Variants in SVIL observed in about 807,000 individuals in gnomAD.
SVIL encodes archvillin.
Under a neutral mutation model 240.4 loss-of-function variants are expected in SVIL, and 101 were observed. The observed-to-expected ratio is 0.42, with a 90% CI of 0.36 to 0.50. The LOEUF is 0.50. SVIL is among the 20% of genes least tolerant of loss of function. The pLI is 0.01. For missense variants in SVIL, 2,512 were observed against 2,818.7 expected (o/e 0.89, Z 2.46); for synonymous variants, 999 against 1,100.0 (o/e 0.91, Z 1.82).
rs768290693 is a variant in SVIL at position 29,473,912 on chromosome 10, G to C, written c.5455C>G (p.Arg1819Gly). ...CCCTTCTCACTCACGGTGGAGTGCC[G>C]GCCTTGCCAGAAGAAGTAGACGCAC... ...EKCVYFFWQG[R>G]HSTVSEKGTS... The change falls in exon 30 of 38, where the codon CGG (arginine) becomes GGG (glycine). Residue 1819 changes from arginine to glycine, a missense_variant. Physicochemically the swap from Arg to Gly is moderately radical, Grantham distance 125. Transcript: ENST00000355867. The C allele has an allele frequency of 6.2e-7, 1 of 1,613,972 alleles. No homozygotes were observed. The highest frequency in any genetic ancestry group is 1.1e-5 in the South Asian group (1 of 91,060).
rs1043064150 is a variant in SVIL, at chr10:29,735,521, G to T, written c.-400+230C>A. ...CGCCGCGCCTTTGTTACGGCTCGGG[G>T]ACCCCGCGGGCCGAGCGCAGCGCCC... On this transcript the variant is annotated intron_variant, in intron 1 of 35. Coordinates refer to the SVIL transcript ENST00000375400. This position sits in a 1 kb window ranked among gnomAD's most constrained non-coding sequence, Gnocchi z 4.1. Among the ~76,000 whole-genome samples the T allele has an allele frequency of 2.0e-5, 3 of 150,890 alleles. No homozygotes were observed. The highest frequency in any genetic ancestry group is 7.3e-5 in the African/African-American group (3 of 41,236).
chr10:29,667,573 C>G (rs2133051055), intron 2 of SVIL, among the ~76,000 whole-genome samples: 1 of 152,080 alleles, frequency 6.6e-6, no homozygotes, highest in East Asian at 1.9e-4. Context: ...ACACCTGGGC[C>G]AGGTGTAGTG....
rs762212555 is a variant in SVIL, at chr10:29,530,658, C to T, written c.2055G>A (p.Lys685=). Residue 685 remains lysine, a synonymous_variant, in exon 11 of 38, where the codon AAG becomes AAA. Transcript: ENST00000355867. ...SETPTVDDEE[K]VDERAKLSVA... is the part of the protein sequence containing the mutation. ...CGCTCAGCTTGGCTCGTTCATCCAC[C>T]TTTTCTTCATCTGCAAAAAGCCACA... The T allele has an allele frequency of 3.1e-6, 5 of 1,614,130 alleles. No homozygotes were observed. In the South Asian group the frequency reaches 5.5e-5, roughly 18 times the overall value.
intron 17 of SVIL, among the ~76,000 whole-genome samples, chr10:29,502,637 A>C (rs1010394589): frequency 2.6e-5 from 4 of 152,052 alleles, no homozygotes; most frequent in African/African-American, 7.2e-5. Flanking sequence ...AAGAGGGTGG[A>C]AGAGAAATTG....
At chr10:29,679,989 C>T (rs919044631) in intron 2 of SVIL, among the ~76,000 whole-genome samples, 6 of 151,868 alleles carry the variant, frequency 4.0e-5, no homozygotes, top group South Asian at 2.1e-4. Flanking sequence ...TCGAGACCCT[C>T]GGCAATATAG....
intron 1 of SVIL, chr10:29,575,183 C>A (rs545139095): frequency 6.5e-6 from 1 of 152,864 alleles, no homozygotes; most frequent in South Asian, 2.1e-4. Flanking sequence ...TATACTGATA[C>A]CACCCAATTG....
chr10:29,520,706 G>A (rs1456889099), intron 16 of SVIL, among the ~76,000 whole-genome samples: 2 of 152,026 alleles, frequency 1.3e-5, no homozygotes, highest in South Asian at 2.1e-4. Flanking sequence ...CCAGGAGTTC[G>A]AGACCAGCCT....
At chr10:29,707,124 C>G (rs1448530114) in intron 1 of SVIL, among the ~76,000 whole-genome samples, 3 of 152,054 alleles carry the variant, frequency 2.0e-5, no homozygotes, top group Non-Finnish European at 2.9e-5. Context: ...TATACGGGCT[C>G]TTTTTTGGTT....
chr10:29,723,825 T>C (rs1459301754), intron 1 of SVIL, among the ~76,000 whole-genome samples: 1 of 151,924 alleles, frequency 6.6e-6, no homozygotes, highest in Admixed American at 6.6e-5. Flanking sequence ...TATGAAAAAA[T>C]GAAACAAAAG....
At chr10:29,712,394 C>T (rs1039634052) in intron 1 of SVIL, among the ~76,000 whole-genome samples, 2 of 152,108 alleles carry the variant, frequency 1.3e-5, no homozygotes, top group Admixed American at 6.6e-5. Flanking sequence ...AAAGAGCCTG[C>T]GACCTTAGCT....
chr10:29,547,343 C>A (rs1394667675), intron 6 of SVIL, among the ~76,000 whole-genome samples: 1 of 152,090 alleles, frequency 6.6e-6, no homozygotes, highest in Non-Finnish European at 1.5e-5. Flanking sequence ...AATATATAAA[C>A]TACTTTGGGT....
At chr10:29,538,437 T>A (rs967019056) in intron 6 of SVIL, among the ~76,000 whole-genome samples, 1 of 152,238 alleles carries the variant, frequency 6.6e-6, no homozygotes, top group African/African-American at 2.4e-5. Flanking sequence ...AGTCTCCGAC[T>A]TAAAATGGTT....
Position 29,672,609 on chromosome 10 carries a change from T to G in SVIL, c.-301+13944A>C, listed in dbSNP as rs1178793235. On this transcript the variant is annotated intron_variant, in intron 2 of 35. Transcript: ENST00000375400. Reference sequence around the variant, plus strand: ...CATAAGTGCCCAGCATGGTGCCTGGTATTCAGTAGGCAATTAATAATGTTT... The same window carrying G: ...CATAAGTGCCCAGCATGGTGCCTGGGATTCAGTAGGCAATTAATAATGTTT... 2.0e-5 allele frequency among the ~76,000 whole-genome samples: 3 copies of G among 152,352 alleles called. No individual in the cohort carries two copies. In the East Asian group the frequency reaches 5.8e-4, roughly 29 times the overall value.
intron 27 of SVIL, chr10:29,483,444 C>G (rs1947097138): frequency 6.6e-6 from 1 of 152,208 alleles, no homozygotes; most frequent in African/African-American, 2.4e-5. Context: ...CACATAAGCT[C>G]TAACTCACAT....
At chr10:29,676,401 C>T (rs1053995206) in intron 2 of SVIL, among the ~76,000 whole-genome samples, 7 of 152,198 alleles carry the variant, frequency 4.6e-5, no homozygotes, top group African/African-American at 9.6e-5. Flanking sequence ...TGTGCGCACA[C>T]GCACAATATA....
intron 2 of SVIL, among the ~76,000 whole-genome samples, chr10:29,668,865 T>C (rs746706702): frequency 6.6e-6 from 1 of 152,164 alleles, no homozygotes; most frequent in Non-Finnish European, 1.5e-5. Flanking sequence ...AAAACATAAC[T>C]GCACTATGAT....
chr10:29,574,045 G>A (rs1469760164), intron 1 of SVIL, among the ~76,000 whole-genome samples: 1 of 152,148 alleles, frequency 6.6e-6, no homozygotes, highest in African/African-American at 2.4e-5. Context: ...GAGCGCTGAT[G>A]GTGGTGTATT....
At position 29,480,572 on chromosome 10, in the gene SVIL, T is replaced by C. The variant is rs763416222; in HGVS notation, c.5342A>G (p.Tyr1781Cys). Residue 1781 changes from tyrosine to cysteine, a missense_variant, in exon 29 of 38, where the codon TAT becomes TGT. By Grantham distance (194) the Tyr-to-Cys change is radical (BLOSUM62 -2). This residue lies in a region of SVIL where 797 missense variants were observed against 925.3 expected (regional missense o/e 0.86). Transcript: ENST00000355867. ...CACCATGAACTTCCACTTGACCACATAGGCATCCCCCTCATGGAACTGCCC... is the reference window on the plus strand; with the variant it reads ...CACCATGAACTTCCACTTGACCACACAGGCATCCCCCTCATGGAACTGCCC... The part of the protein sequence containing the change: ...SIGQFHEGDA[Y>C]VVKWKFMVST... 8.1e-6 allele frequency: 13 copies of C among 1,613,622 alleles called. No homozygotes were observed. Among genetic ancestry groups the C allele is most frequent in the Admixed American group, 3.3e-5 (2 of 60,004 alleles).
upstream of SVIL, among the ~76,000 whole-genome samples, chr10:29,636,221 T>G (rs1958306913): frequency 6.6e-6 from 1 of 152,196 alleles, no homozygotes; most frequent in Admixed American, 6.5e-5. Context: ...ATATTGGCTT[T>G]TTCCTCATTT....
Sources: allele counts gnomAD v4.1 joint callset (sites outside exome capture counted in the v4.1 genomes callset), GRCh38; gene constraint gnomAD v4.1.1; regional missense constraint gnomAD v4.1.1; non-coding constraint Gnocchi (gnomAD v3.1); transcripts MANE v1.5; gene names NCBI Gene and HGNC (gene_info 2026-07-23, HGNC 2026-07-21).